Variants in LAMA1 observed in about 807,000 individuals in gnomAD.
LAMA1 encodes the protein laminin subunit alpha 1.
LAMA1 carries 219 observed loss-of-function variants against 348.7 expected under a neutral mutation model. The observed-to-expected ratio is 0.63, with a 90% CI of 0.56 to 0.70. The LOEUF (loss-of-function observed/expected upper bound fraction) is 0.70. Ranked by LOEUF, LAMA1 falls within the 30% of genes least tolerant of loss-of-function variation. The pLI is 0.00. For synonymous variants in LAMA1, 1,487 were observed against 1,491.0 expected, an observed-to-expected ratio of 1.00 and a Z score of 0.06; for missense variants, 3,744 against 3,888.0, an observed-to-expected ratio of 0.96 and a Z score of 0.99.
intron 21 of LAMA1, 136 bp from the exon 22 acceptor site, chr18:7,015,994 G>T: frequency 9.7e-7 from 1 of 1,034,846 alleles, no homozygotes; most frequent in Non-Finnish European, 1.4e-6. Flanking sequence ...CAATTCCCAA[G>T]ACCCCTCCAT....
chr18:7,069,420 A>T (rs111253883), intron 3 of LAMA1, among the ~76,000 whole-genome samples: 132 of 152,218 alleles, frequency 8.7e-4, no homozygotes, highest in African/African-American at 2.8e-3. Context: ...CTAGAGAAAG[A>T]CCCTTTCAGA....
In LAMA1 at chr18:6,999,893, G is replaced by T. The variant is rs1479471368; in HGVS notation, c.4469+18C>A. ...ACAGAGTGCCCAGGGATTTCCACAT[G>T]ACAATCCACCCATGTACCTTTCACA... On this transcript the variant is annotated intron_variant, in intron 31 of 62. Transcript: ENST00000389658. 6.2e-7 allele frequency: 1 copy of T among 1,608,952 alleles called. No individual in the cohort carries two copies. Among genetic ancestry groups the T allele is most frequent in the South Asian group, 1.1e-5 (1 of 90,920 alleles).
rs117471548 is a variant in LAMA1 at position 7,047,508 on chromosome 18, C to T, written c.769-1141G>A. Among the ~76,000 whole-genome samples, 243 of 152,262 alleles carry T rather than the reference C, an allele frequency of 1.6e-3. 6 individuals are homozygous for T. In the East Asian group the frequency reaches 0.036, roughly 22 times the overall value. ...CATTGTTAAAATGTCTTATAAAATTCTTCACAAATTGGTGTAAAGAATCAA... is the reference window on the plus strand; with the variant it reads ...CATTGTTAAAATGTCTTATAAAATTTTTCACAAATTGGTGTAAAGAATCAA... On this transcript the variant is annotated intron_variant, in intron 5 of 62. Coordinates refer to ENST00000389658, the MANE Select transcript of LAMA1 (RefSeq NM_005559.4).
intron 1 of LAMA1, among the ~76,000 whole-genome samples, chr18:7,098,823 C>G (rs1352855239): frequency 7.7e-6 from 1 of 130,266 alleles, no homozygotes; most frequent in African/African-American, 2.8e-5. Context: ...GCCCGGCCAC[C>G]GCCCCGTCCG....
intron 1 of LAMA1, among the ~76,000 whole-genome samples, chr18:7,110,864 T>C (rs2058332666): frequency 1.6e-5 from 2 of 128,184 alleles, no homozygotes; most frequent in South Asian, 6.3e-4. Context: ...CATAATCAAC[T>C]GTGGTGTGAG....
At chr18:7,053,779 G>GTTTTTTT (rs1158322417) in intron 3 of LAMA1, among the ~76,000 whole-genome samples, 1 of 133,882 alleles carries the variant, frequency 7.5e-6, no homozygotes, top group African/African-American at 3.5e-5. Context: ...CTCATTAGAG[G>GTTTTTTT]ATTTTTTTTT....
intron 57 of LAMA1, among the ~76,000 whole-genome samples, chr18:6,953,143 C>T (rs1376801899): frequency 2.0e-5 from 3 of 148,466 alleles, no homozygotes; most frequent in Non-Finnish European, 4.4e-5. Context: ...AGCGGATCCA[C>T]GCCATGGGAG....
At chr18:7,005,156 A>C (rs1161114892) in intron 29 of LAMA1, among the ~76,000 whole-genome samples, 1 of 152,208 alleles carries the variant, frequency 6.6e-6, no homozygotes, top group Non-Finnish European at 1.5e-5. Context: ...CGTGACTTGG[A>C]GGGCTGAAGA....
chr18:6,979,885 C>T (rs1056135212), intron 42 of LAMA1, among the ~76,000 whole-genome samples: 26 of 152,130 alleles, frequency 1.7e-4, no homozygotes, highest in South Asian at 4.1e-4. Flanking sequence ...GGCGACAGAG[C>T]GAGACTCTGT....
chr18:7,070,904 CAAA>C (rs11455370), intron 3 of LAMA1, among the ~76,000 whole-genome samples: 7 of 127,420 alleles, frequency 5.5e-5, no homozygotes, highest in African/African-American at 1.4e-4. Flanking sequence ...GCTTCTTGAT[CAAA>C]AAAAAAAAAA....
intron 19 of LAMA1, among the ~76,000 whole-genome samples, chr18:7,019,277 C>G (rs1029539905): frequency 6.6e-6 from 1 of 152,122 alleles, no homozygotes; most frequent in South Asian, 2.1e-4. Flanking sequence ...CGGAAGGGAC[C>G]CCGTGACCTC....
Position 7,033,052 on chromosome 18 carries a change from C to T in LAMA1, c.2095G>A (p.Asp699Asn), listed in dbSNP as rs753544600. 1.9e-6 allele frequency: 3 copies of T among 1,612,290 alleles called. No homozygotes were observed. The highest frequency in any genetic ancestry group is 1.7e-5 in the Admixed American group (1 of 59,926). ...TCCACATCAGCGGCCACCACCAGGT[C>T]GATGGCATTAGAGCTGGCTATGTCC... ...SLDIASSNAI[D>N]LVVAADVEHC... The change falls in exon 15 of 63, where the codon GAC (aspartate) becomes AAC (asparagine). Residue 699 changes from aspartate (D) to asparagine (N), a missense_variant. Physicochemically the swap from Asp to Asn is conservative, Grantham distance 23. Transcript: ENST00000389658.
chr18:6,970,014 T>A (rs2057651032), intron 48 of LAMA1, among the ~76,000 whole-genome samples: 1 of 152,230 alleles, frequency 6.6e-6, no homozygotes, highest in Non-Finnish European at 1.5e-5. Flanking sequence ...ACCATTTTTC[T>A]TTCTAACAGT....
chr18:7,103,794 G>A (rs149310993), intron 1 of LAMA1, among the ~76,000 whole-genome samples: 1 of 150,988 alleles, frequency 6.6e-6, no homozygotes, highest in East Asian at 2.0e-4. Flanking sequence ...ACTCCAGCCT[G>A]GGTGACAGAG....
chr18:6,959,813 T>G, intron 53 of LAMA1: 1 of 319,686 alleles, frequency 3.1e-6, no homozygotes, highest in Non-Finnish European at 6.1e-6. Flanking sequence ...CAATGAAATT[T>G]AAAGTATTTT....
At chr18:6,949,895 T>C (rs1384818244) in intron 58 of LAMA1, among the ~76,000 whole-genome samples, 1 of 152,250 alleles carries the variant, frequency 6.6e-6, no homozygotes, top group Non-Finnish European at 1.5e-5. Context: ...TTGTTTCTCC[T>C]GCTAAGATGT....
chr18:7,008,389 T>A lies in LAMA1; in HGVS notation c.4122+99A>T, dbSNP rs948598235. 6 of 1,314,524 alleles carry A rather than the reference T, an allele frequency of 4.6e-6. No individual in the cohort carries two copies. The Admixed American group carries it at 1.3e-4, about 29-fold the overall frequency. The allele number at this position is 1,314,524 out of a possible 1,614,324, so 81.4% of individuals were successfully genotyped here. On this transcript the variant is annotated intron_variant, in intron 28 of 62. Coordinates refer to ENST00000389658, the MANE Select transcript of LAMA1 (RefSeq NM_005559.4). The stretch of plus-strand genomic sequence containing the variant: ...AATTCAAAAAGAGAAAAAAATGATA[T>A]AGTAGATACACATAAGTTCTGTTCA...
rs757679964 is a variant in LAMA1 at position 6,978,422 on chromosome 18, C to T, written c.6008-44G>A. 7.3e-6 allele frequency: 11 copies of T among 1,516,926 alleles called. No individual in the cohort carries two copies. In the East Asian group the frequency reaches 2.2e-4, roughly 31 times the overall value. The allele number at this position is 1,516,926 out of a possible 1,614,324, so 94.0% of individuals were successfully genotyped here. ...AAAGCATGCACTTCTGGTGCTTACA[C>T]ACAGAGAAAAGAATAAAACGACAAC... On this transcript the variant is annotated intron_variant, in intron 42 of 62. Transcript: ENST00000389658.
chr18:7,117,659 CCT>C lies in LAMA1; in HGVS notation c.60_61del (p.Gly21ProfsTer49), dbSNP rs1598328279. Reference sequence around the variant, plus strand: ...GACCCTAGGACCCGGGCCGGGCTCACCTCTCTGCCGGCACTGCGCGGCGACAC... The same window carrying C: ...GACCCTAGGACCCGGGCCGGGCTCACCTCTGCCGGCACTGCGCGGCGACAC... On this transcript the variant is annotated frameshift_variant and splice_region_variant, in exon 1 of 63. Coordinates refer to ENST00000389658, the MANE Select transcript of LAMA1 (RefSeq NM_005559.4). LOFTEE classifies it high-confidence loss of function. 1 of 1,597,630 alleles carries C rather than the reference CCT, an allele frequency of 6.3e-7. No individual in the cohort carries two copies.
Sources: allele counts gnomAD v4.1 joint callset (sites outside exome capture counted in the v4.1 genomes callset), GRCh38; gene constraint gnomAD v4.1.1; transcripts MANE v1.5; gene names NCBI Gene and HGNC (gene_info 2026-07-23, HGNC 2026-07-21).